The following KCNMA1 variants were observed in gnomAD, a reference collection of about 807,000 sequenced individuals.
The protein encoded by KCNMA1 is potassium calcium-activated channel subfamily M alpha 1.
Under a neutral mutation model 140.0 loss-of-function variants are expected in KCNMA1, and 29 were observed. That is an observed-to-expected ratio of 0.21 (90% CI 0.15 to 0.28). The LOEUF is 0.28. KCNMA1 is among the 10% of genes least tolerant of loss of function. The pLI, the probability that KCNMA1 is intolerant of heterozygous loss-of-function variation, is 1.00. For missense variants in KCNMA1, 880 were observed against 1,602.2 expected (o/e 0.55, Z 7.70); for synonymous variants, 612 against 611.9 (o/e 1.00, Z 0.00).
At chr10:77,251,695 A>T (rs1049585211) in intron 2 of KCNMA1, among the ~76,000 whole-genome samples, 111 of 152,170 alleles carry the variant, frequency 7.3e-4, no homozygotes, top group African/African-American at 2.6e-3. Context: ...TACATACCAC[A>T]ATATTCACCC....
intron 1 of KCNMA1, among the ~76,000 whole-genome samples, chr10:77,459,095 A>T (rs1404564691): frequency 2.6e-5 from 4 of 152,228 alleles, no homozygotes; most frequent in African/African-American, 9.6e-5. Context: ...GCACTTCCAG[A>T]TGTCTTGGCT....
intron 5 of KCNMA1, among the ~76,000 whole-genome samples, chr10:77,169,455 C>A (rs558039139): frequency 2.6e-5 from 4 of 151,990 alleles, no homozygotes; most frequent in African/African-American, 9.6e-5. Context: ...AGTAGCACAA[C>A]CACAGCTCAC....
chr10:77,304,076 C>A (rs1008271102), intron 2 of KCNMA1, among the ~76,000 whole-genome samples: 6 of 152,084 alleles, frequency 3.9e-5, no homozygotes, highest in African/African-American at 1.2e-4. Flanking sequence ...TGTTGATGGG[C>A]CATAAGAACC....
intron 1 of KCNMA1, among the ~76,000 whole-genome samples, chr10:77,593,694 AT>A (rs2079925011): frequency 6.6e-6 from 1 of 152,246 alleles, no homozygotes; most frequent in Non-Finnish European, 1.5e-5. Context: ...TGGCCATTCA[AT>A]TAGGAGTGAC....
intron 5 of KCNMA1, among the ~76,000 whole-genome samples, chr10:77,156,227 TAAAAAAAAAAAAAAAAA>T (rs58950492): frequency 8.3e-6 from 1 of 120,592 alleles, no homozygotes; most frequent in South Asian, 2.6e-4. Flanking sequence ...GACTCCATCT[TAAAAAAAAAAAAAAAAA>T]AAAAAAAAAA....
At chr10:77,040,953 A>G (rs2094633503) in intron 14 of KCNMA1, among the ~76,000 whole-genome samples, 1 of 152,142 alleles carries the variant, frequency 6.6e-6, no homozygotes, top group African/African-American at 2.4e-5. Context: ...CATGCTAGGC[A>G]TCTCTGAAAG....
intron 5 of KCNMA1, among the ~76,000 whole-genome samples, chr10:77,145,512 G>GAA (rs1165217606): frequency 6.6e-6 from 1 of 152,174 alleles, no homozygotes; most frequent in Non-Finnish European, 1.5e-5. Flanking sequence ...CTGCCTGAAA[G>GAA]AATTCTAGGA....
chr10:77,188,044 T>A (rs2098894105), intron 3 of KCNMA1, among the ~76,000 whole-genome samples: 1 of 152,174 alleles, frequency 6.6e-6, no homozygotes, highest in Admixed American at 6.5e-5. Flanking sequence ...ATCTTAATGA[T>A]TAATGCACAT....
At chr10:77,404,061 C>T in intron 1 of KCNMA1, 38 bp from the exon 2 acceptor site, 1 of 1,607,146 alleles carries the variant, frequency 6.2e-7, no homozygotes, top group Non-Finnish European at 8.5e-7. Context: ...ACATAGGGAA[C>T]AATGGATTTA....
chr10:77,272,948 T>C (rs1442359405), intron 2 of KCNMA1, among the ~76,000 whole-genome samples: 1 of 152,184 alleles, frequency 6.6e-6, no homozygotes, highest in African/African-American at 2.4e-5. Flanking sequence ...CTATTTCTTC[T>C]AGACCCCCTA....
intron 2 of KCNMA1, among the ~76,000 whole-genome samples, chr10:77,337,799 C>T (rs1230564491): frequency 6.6e-6 from 1 of 152,200 alleles, no homozygotes; most frequent in Non-Finnish European, 1.5e-5. Flanking sequence ...GGGTCCTACA[C>T]TGGCCAATGA....
chr10:77,065,860 T>C (rs1356455844), intron 14 of KCNMA1, among the ~76,000 whole-genome samples: 2 of 152,166 alleles, frequency 1.3e-5, no homozygotes, highest in African/African-American at 4.8e-5. Context: ...GAGAAATTAA[T>C]ATTAAGCAAA....
intron 1 of KCNMA1, among the ~76,000 whole-genome samples, chr10:77,577,601 C>T (rs559393444): frequency 5.3e-5 from 8 of 152,322 alleles, no homozygotes; most frequent in South Asian, 2.1e-4. Context: ...TACACACATA[C>T]GTAACTTATG....
Position 76,886,715 on chromosome 10 carries a change from C to T in KCNMA1, c.*551G>A, listed in dbSNP as rs977200784. The stretch of plus-strand genomic sequence containing the variant: ...ATCTACACAAATCGTGAAAGCTTTT[C>T]AAATGCTTCGCAATACTTCGGCCCA... On this transcript the variant is annotated 3_prime_UTR_variant, in exon 28 of 28. Transcript: ENST00000286628. The T allele has an allele frequency of 1.0e-6, 1 of 1,003,192 alleles. No homozygotes were observed. The highest frequency in any genetic ancestry group is 1.2e-6 in the Non-Finnish European group (1 of 839,968). The allele number at this position is 1,003,192 out of a possible 1,614,324, so 62.1% of individuals were successfully genotyped here. A position where few individuals can be genotyped will look rare whatever the true frequency, so the allele number is the denominator to read the frequency against.
At chr10:77,288,244 G>T (rs757621703) in intron 2 of KCNMA1, among the ~76,000 whole-genome samples, 1 of 152,232 alleles carries the variant, frequency 6.6e-6, no homozygotes, top group Non-Finnish European at 1.5e-5. Context: ...TTTCTAGTTA[G>T]CAAAGTCCCC....
intron 2 of KCNMA1, among the ~76,000 whole-genome samples, chr10:77,363,275 C>A (rs1328022253): frequency 6.6e-6 from 1 of 152,152 alleles, no homozygotes; most frequent in Non-Finnish European, 1.5e-5. Context: ...TTCTGGATTC[C>A]CACTCCTGGG....
chr10:77,602,178 C>G (rs1224466003), intron 1 of KCNMA1, among the ~76,000 whole-genome samples: 1 of 152,214 alleles, frequency 6.6e-6, no homozygotes, highest in Non-Finnish European at 1.5e-5. Flanking sequence ...TGCCCTGGCA[C>G]TGAAGCCTGG....
intron 1 of KCNMA1, among the ~76,000 whole-genome samples, chr10:77,439,744 C>T (rs1488807384): frequency 6.6e-6 from 1 of 152,152 alleles, no homozygotes; most frequent in African/African-American, 2.4e-5. Context: ...ACTCTGTGGC[C>T]CTGATACCTC....
At position 76,886,261 on chromosome 10, in the gene KCNMA1, C is replaced by T. The variant is rs2036880732; in HGVS notation, c.*1005G>A. 1.0e-6 allele frequency: 1 copy of T among 985,252 alleles called. No individual in the cohort carries two copies. Among genetic ancestry groups the T allele is most frequent in the Middle Eastern group, 5.2e-4 (1 of 1,914 alleles). 61.0% of individuals were successfully genotyped at this position (985,252 alleles called of 1,614,324 possible). ...TCAAACAAAGGGGAGTAAAAAGATC[C>T]CCTGAGAATGCATGGAAAAATACTT... On this transcript the variant is annotated 3_prime_UTR_variant, in exon 28 of 28. Transcript: ENST00000286628.
Sources: allele counts gnomAD v4.1 joint callset (sites outside exome capture counted in the v4.1 genomes callset), GRCh38; gene constraint gnomAD v4.1.1; transcripts MANE v1.5; gene names NCBI Gene and HGNC (gene_info 2026-07-23, HGNC 2026-07-21).